Variants in AGBL4 observed in about 807,000 individuals in gnomAD.
AGBL4 encodes the protein AGBL carboxypeptidase 4, also known as cytosolic carboxypeptidase 6.
In AGBL4, 58 loss-of-function variants were observed where a neutral mutation model predicts 66.4. The ratio of observed to expected loss-of-function variants is 0.87; its 90% CI spans 0.71 to 1.09. The LOEUF is 1.09. Among genes scored for constraint, AGBL4 ranks in the 50% least tolerant of loss-of-function variants. AGBL4 has a pLI of 0.00. For missense variants in AGBL4, 579 were observed against 631.0 expected (o/e 0.92, Z 0.88); for synonymous variants, 234 against 222.9 (o/e 1.05, Z -0.44).
At chr1:49,616,959 T>A (rs954077051) in intron 3 of AGBL4, among the ~76,000 whole-genome samples, 5 of 152,332 alleles carry the variant, frequency 3.3e-5, no homozygotes, top group Admixed American at 3.3e-4. Context: ...CCTAACTGGC[T>A]ACTCTGTTTC....
At chr1:48,930,195 G>C (rs527337521) in intron 5 of AGBL4, among the ~76,000 whole-genome samples, 1 of 151,904 alleles carries the variant, frequency 6.6e-6, no homozygotes, top group South Asian at 2.1e-4. Flanking sequence ...GATTAGACAC[G>C]TGTAAGGGAT....
chr1:49,480,716 CT>C (rs1646938570), intron 3 of AGBL4, among the ~76,000 whole-genome samples: 1 of 151,992 alleles, frequency 6.6e-6, no homozygotes, highest in South Asian at 2.1e-4. Context: ...TTTGCCCCTG[CT>C]TACGTCCTGA....
intron 2 of AGBL4, among the ~76,000 whole-genome samples, chr1:49,731,142 T>C (rs1010116918): frequency 1.3e-5 from 2 of 152,174 alleles, no homozygotes; most frequent in Non-Finnish European, 2.9e-5. Context: ...TAGTTACAAG[T>C]TGTTGGCTCT....
chr1:49,736,061 A>G (rs773864344), intron 2 of AGBL4, among the ~76,000 whole-genome samples: 1 of 152,156 alleles, frequency 6.6e-6, no homozygotes, highest in Non-Finnish European at 1.5e-5. Context: ...AAGCACATCA[A>G]CATGCACATA....
At chr1:49,676,828 G>A (rs1464145974) in intron 3 of AGBL4, among the ~76,000 whole-genome samples, 2 of 151,976 alleles carry the variant, frequency 1.3e-5, no homozygotes, top group Non-Finnish European at 2.9e-5. Context: ...TTTTAAGTCA[G>A]GCCTGGCTAA....
intron 2 of AGBL4, among the ~76,000 whole-genome samples, chr1:49,783,752 T>C (rs951381107): frequency 1.3e-5 from 2 of 151,712 alleles, no homozygotes; most frequent in East Asian, 3.9e-4. Flanking sequence ...ATATAGAAAA[T>C]CCTAAAGAAT....
rs998076451 is a variant in AGBL4 at position 49,129,834 on chromosome 1, T to C, written c.378-84034A>G. Among the ~76,000 whole-genome samples the C allele has an allele frequency of 9.9e-5, 15 of 152,162 alleles. No homozygotes were observed. The South Asian group carries it at 2.3e-3, about 23-fold the overall frequency. On this transcript the variant is annotated intron_variant, in intron 4 of 13. Coordinates refer to ENST00000371839, the MANE Select transcript of AGBL4 (RefSeq NM_032785.4). ...AGTCCTTTGGGTATATACCCAGTAA[T>C]GGGATGGCTGGGTCAAATGGTATTT...
At chr1:49,162,640 A>G (rs888524811) in intron 4 of AGBL4, among the ~76,000 whole-genome samples, 1 of 152,122 alleles carries the variant, frequency 6.6e-6, no homozygotes, top group Non-Finnish European at 1.5e-5. Context: ...TATCCTTTCT[A>G]CTTTGTGTAG....
At chr1:48,910,478 G>A (rs1407132891) in intron 5 of AGBL4, among the ~76,000 whole-genome samples, 1 of 152,100 alleles carries the variant, frequency 6.6e-6, no homozygotes, top group African/African-American at 2.4e-5. Flanking sequence ...AAAGAAGAAA[G>A]TCTTTCCACA....
chr1:49,296,408 C>A (rs1644644298), intron 3 of AGBL4, among the ~76,000 whole-genome samples: 1 of 152,134 alleles, frequency 6.6e-6, no homozygotes, highest in South Asian at 2.1e-4. Context: ...ACCCCAAACT[C>A]TCAAATTTAA....
chr1:49,481,408 C>T (rs1200621143), intron 3 of AGBL4, among the ~76,000 whole-genome samples: 8 of 151,888 alleles, frequency 5.3e-5, no homozygotes, highest in African/African-American at 1.2e-4. Context: ...GAAGTTCATT[C>T]GTGATTTGGC....
intron 3 of AGBL4, among the ~76,000 whole-genome samples, chr1:49,599,281 A>G (rs868292468): frequency 3.9e-5 from 6 of 152,064 alleles, no homozygotes; most frequent in African/African-American, 1.4e-4. Flanking sequence ...CAATTTCAGA[A>G]CTTGTTATTG....
chr1:49,090,108 C>A (rs1232175644), intron 4 of AGBL4, among the ~76,000 whole-genome samples: 1 of 152,098 alleles, frequency 6.6e-6, no homozygotes, highest in Non-Finnish European at 1.5e-5. Context: ...TGACATCCAT[C>A]TATGACAAAC....
intron 4 of AGBL4, among the ~76,000 whole-genome samples, chr1:49,123,065 G>A (rs913916688): frequency 6.6e-6 from 1 of 152,094 alleles, no homozygotes; most frequent in Non-Finnish European, 1.5e-5. Context: ...ATGTTGGCCA[G>A]GCTGGTCTCA....
At chr1:49,742,719 A>G (rs1431897772) in intron 2 of AGBL4, among the ~76,000 whole-genome samples, 1 of 152,220 alleles carries the variant, frequency 6.6e-6, no homozygotes, top group Non-Finnish European at 1.5e-5. Context: ...GACCAATGGA[A>G]CAGAACAGAG....
intron 5 of AGBL4, among the ~76,000 whole-genome samples, chr1:48,875,646 C>A (rs1240613968): frequency 6.6e-6 from 1 of 152,138 alleles, no homozygotes; most frequent in Non-Finnish European, 1.5e-5. Context: ...TTGGTTCAGC[C>A]TCTGGCGGCC....
chr1:48,695,411 C>G (rs574293070), intron 6 of AGBL4, among the ~76,000 whole-genome samples: 1 of 152,230 alleles, frequency 6.6e-6, no homozygotes. Flanking sequence ...TTTGACTTCA[C>G]GCTTTAGCCC....
At chr1:48,671,222 A>C (rs942291386) in intron 6 of AGBL4, among the ~76,000 whole-genome samples, 3 of 152,240 alleles carry the variant, frequency 2.0e-5, no homozygotes, top group Non-Finnish European at 2.9e-5. Flanking sequence ...TGCTGAGAAC[A>C]GAGCAGAGGC....
In AGBL4 at chr1:49,378,084, A is replaced by G. The variant is rs574917561; in HGVS notation, c.283-132220T>C. Among the ~76,000 whole-genome samples, 3 of 152,118 alleles carry G rather than the reference A, an allele frequency of 2.0e-5. No homozygotes were observed. In the South Asian group the frequency reaches 6.2e-4, roughly 32 times the overall value. On this transcript the variant is annotated intron_variant, in intron 3 of 13. Coordinates refer to ENST00000371839, the MANE Select transcript of AGBL4 (RefSeq NM_032785.4). ...CACAAACTTCATGCCTTGTCTCCCA[A>G]CACAAACTTCCTGTCTGGCCCTGAT... is the stretch of plus-strand genomic sequence containing the variant.
Sources: allele counts gnomAD v4.1 joint callset (sites outside exome capture counted in the v4.1 genomes callset), GRCh38; gene constraint gnomAD v4.1.1; transcripts MANE v1.5; gene names NCBI Gene and HGNC (gene_info 2026-07-23, HGNC 2026-07-21).